Variants in AKAP13 observed in about 807,000 individuals in gnomAD.
AKAP13 encodes A-kinase anchoring protein 13, also known as A-kinase anchor protein 13.
AKAP13 carries 80 observed loss-of-function variants against 264.5 expected under a neutral mutation model. That is an observed-to-expected ratio of 0.30 (90% CI 0.25 to 0.36). The LOEUF (loss-of-function observed/expected upper bound fraction) is 0.36, where lower values mean the gene tolerates loss of function less well. Among genes scored for constraint, AKAP13 ranks in the 10% least tolerant of loss-of-function variants. AKAP13 has a pLI of 1.00. For synonymous variants in AKAP13, 1,380 were observed against 1,250.2 expected (o/e 1.10, Z -2.19); for missense variants, 3,712 against 3,435.2 (o/e 1.08, Z -2.01).
chr15:85,726,429 C>T lies in AKAP13; in HGVS notation c.6765C>T (p.Leu2255=). The part of the protein sequence containing the change: ...GRLKEVQAVL[L]TDILVFLQEK... ...TTCCAGAGGTTCAAGCAGTTCTTCTCACTGACATTTTAGTTTTCCTTCAAG... is the reference window on the plus strand; with the variant it reads ...TTCCAGAGGTTCAAGCAGTTCTTCTTACTGACATTTTAGTTTTCCTTCAAG... The change falls in exon 27 of 37, where the codon CTC becomes CTT. Residue 2255 remains leucine, a synonymous_variant. Transcript: ENST00000394518. 1 of 1,613,792 alleles carries T rather than the reference C, an allele frequency of 6.2e-7. No individual in the cohort carries two copies. Among genetic ancestry groups the T allele is most frequent in the Non-Finnish European group, 8.5e-7 (1 of 1,179,748 alleles).
At chr15:85,432,712 A>G (rs999656243) in intron 1 of AKAP13, among the ~76,000 whole-genome samples, 8 of 152,248 alleles carry the variant, frequency 5.3e-5, no homozygotes, top group East Asian at 1.9e-4. Context: ...AAAATGGTCC[A>G]TGATCCTGGC....
chr15:85,466,781 T>G (rs1055374173), intron 1 of AKAP13, among the ~76,000 whole-genome samples: 1 of 152,188 alleles, frequency 6.6e-6, no homozygotes, highest in African/African-American at 2.4e-5. Flanking sequence ...GCTTTTAAAT[T>G]TTTGCTCAGT....
intron 1 of AKAP13, among the ~76,000 whole-genome samples, chr15:85,447,128 G>A (rs62022075): frequency 0.12 from 18,839 of 152,052 alleles, 1,532 homozygotes; most frequent in Non-Finnish European, 0.19. Context: ...TTAGCTGGGC[G>A]TGGTGGTGCG....
At chr15:85,619,778 T>G in intron 8 of AKAP13, 3 of 1,076,102 alleles carry the variant, frequency 2.8e-6, no homozygotes, top group Non-Finnish European at 3.4e-6. Flanking sequence ...TTGCTTCTCT[T>G]TCAGTCAAGA....
chr15:85,411,442 C>G (rs922299319), intron 1 of AKAP13, among the ~76,000 whole-genome samples: 1 of 152,020 alleles, frequency 6.6e-6, no homozygotes, highest in Non-Finnish European at 1.5e-5. Context: ...GGTGAACTAA[C>G]TGCTTTTTTT....
intron 8 of AKAP13, among the ~76,000 whole-genome samples, chr15:85,601,550 T>C (rs1208938399): frequency 6.6e-6 from 1 of 151,634 alleles, no homozygotes; most frequent in Non-Finnish European, 1.5e-5. Context: ...ATTTAACTTA[T>C]CACATTAAAC....
intron 2 of AKAP13, among the ~76,000 whole-genome samples, chr15:85,493,296 T>A (rs368551744): frequency 4.6e-5 from 7 of 152,264 alleles, no homozygotes; most frequent in Non-Finnish European, 1.0e-4. Flanking sequence ...ATAAGACTAC[T>A]AAAATTTTAA....
intron 1 of AKAP13, among the ~76,000 whole-genome samples, chr15:85,481,315 T>C (rs970187542): frequency 6.6e-6 from 1 of 152,230 alleles, no homozygotes; most frequent in Non-Finnish European, 1.5e-5. Flanking sequence ...CACTGCACTT[T>C]ATGAAGAAAA....
At chr15:85,465,107 A>ATTT (rs376487830) in intron 1 of AKAP13, among the ~76,000 whole-genome samples, 2 of 136,002 alleles carry the variant, frequency 1.5e-5, no homozygotes, top group Non-Finnish European at 3.1e-5. Flanking sequence ...CGCCTGGCTA[A>ATTT]TTTTTTTTTT....
At chr15:85,646,822 G>A (rs1252129470) in intron 10 of AKAP13, among the ~76,000 whole-genome samples, 3 of 152,152 alleles carry the variant, frequency 2.0e-5, no homozygotes, top group Admixed American at 1.3e-4. Flanking sequence ...GGGAATGGGG[G>A]TAGTTTGCTT....
intron 7 of AKAP13, among the ~76,000 whole-genome samples, chr15:85,585,492 C>G (rs1177774538): frequency 6.6e-6 from 1 of 152,192 alleles, no homozygotes; most frequent in African/African-American, 2.4e-5. Context: ...CAAGCGCCTA[C>G]AAAGGCTAGG....
chr15:85,660,481 A>G (rs1488445211), intron 12 of AKAP13, among the ~76,000 whole-genome samples: 2 of 151,972 alleles, frequency 1.3e-5, no homozygotes, highest in Admixed American at 1.3e-4. Context: ...GAAGTAAAGG[A>G]ACATTTAAAT....
intron 10 of AKAP13, among the ~76,000 whole-genome samples, chr15:85,653,909 T>A (rs1432214763): frequency 1.3e-5 from 2 of 152,178 alleles, no homozygotes. Flanking sequence ...CCCATCAAAT[T>A]CTGTGTTCTG....
At chr15:85,478,501 G>A (rs1274888424) in intron 1 of AKAP13, among the ~76,000 whole-genome samples, 1 of 152,126 alleles carries the variant, frequency 6.6e-6, no homozygotes, top group Admixed American at 6.5e-5. Flanking sequence ...GTTTGTGCAT[G>A]TGTTTGGCCC....
intron 1 of AKAP13, among the ~76,000 whole-genome samples, chr15:85,399,107 T>A (rs993838670): frequency 6.6e-6 from 1 of 152,234 alleles, no homozygotes; most frequent in Non-Finnish European, 1.5e-5. Flanking sequence ...TGTCAAGTTG[T>A]CTACAGAAAG....
At chr15:85,426,691 A>G (rs567464141) in intron 1 of AKAP13, among the ~76,000 whole-genome samples, 3 of 152,240 alleles carry the variant, frequency 2.0e-5, no homozygotes, top group East Asian at 3.9e-4. Context: ...CACAGTTTCT[A>G]CTCAGTTACT....
intron 2 of AKAP13, among the ~76,000 whole-genome samples, chr15:85,514,359 G>A (rs2076538342): frequency 7.3e-6 from 1 of 137,614 alleles, no homozygotes; most frequent in Non-Finnish European, 1.6e-5. Context: ...TCTTTAAATT[G>A]TCCCAGGTTT....
chr15:85,674,840 GTATATATATATGAATATATGTGAA>G (rs1567188295), intron 14 of AKAP13, among the ~76,000 whole-genome samples: 1 of 151,572 alleles, frequency 6.6e-6, no homozygotes, highest in East Asian at 1.9e-4. Flanking sequence ...GTGTGTGTGT[GTATATATATATGAATATATGTGAA>G]TATATATATA....
At chr15:85,418,858 C>T (rs2072371993) in intron 1 of AKAP13, among the ~76,000 whole-genome samples, 2 of 152,162 alleles carry the variant, frequency 1.3e-5, no homozygotes, top group African/African-American at 2.4e-5. Flanking sequence ...GTGGCTAAGA[C>T]CACTTTAACC....
Sources: gnomAD v4.1 joint callset for allele counts (sites outside exome capture counted in the v4.1 genomes callset) on GRCh38, gnomAD v4.1.1 for gene constraint, MANE v1.5 for transcripts, NCBI Gene and HGNC (gene_info 2026-07-23, HGNC 2026-07-21) for gene names.